The following SGMS1 variants were observed in gnomAD, a reference collection of about 807,000 sequenced individuals.
SGMS1 encodes the protein phosphatidylcholine:ceramide cholinephosphotransferase 1.
Under a neutral mutation model 46.2 loss-of-function variants are expected in SGMS1, and 13 were observed. The ratio of observed to expected loss-of-function variants is 0.28; its 90% confidence interval spans 0.18 to 0.45. The LOEUF is 0.45. SGMS1 is among the 20% of genes least tolerant of loss of function. The probability of loss-of-function intolerance (pLI) is 1.00; values close to 1 mark genes in which losing one functional copy is unlikely to be tolerated. For synonymous variants in SGMS1, 203 were observed against 187.8 expected, an observed-to-expected ratio of 1.08 and a Z score of -0.66; for missense variants, 324 against 519.9, an observed-to-expected ratio of 0.62 and a Z score of 3.66.
At chr10:50,597,631 A>G (rs960081372) in intron 1 of SGMS1, among the ~76,000 whole-genome samples, 1 of 152,184 alleles carries the variant, frequency 6.6e-6, no homozygotes, top group Non-Finnish European at 1.5e-5. Flanking sequence ...AAACTACAAA[A>G]AGGCAGCACC....
chr10:50,485,759 G>A (rs944251002), intron 3 of SGMS1, among the ~76,000 whole-genome samples: 1 of 152,110 alleles, frequency 6.6e-6, no homozygotes, highest in Non-Finnish European at 1.5e-5. Flanking sequence ...AATTAGCCAG[G>A]TGGGGTGGTG....
At chr10:50,582,767 A>G (rs924479836) in intron 2 of SGMS1, among the ~76,000 whole-genome samples, 1 of 152,246 alleles carries the variant, frequency 6.6e-6, no homozygotes, top group Non-Finnish European at 1.5e-5. Context: ...TGTACCACAC[A>G]GGTACTTTAA....
intron 6 of SGMS1, among the ~76,000 whole-genome samples, chr10:50,369,168 T>C (rs1589410228): frequency 1.3e-5 from 2 of 152,346 alleles, no homozygotes; most frequent in East Asian, 3.9e-4. Context: ...GAAGAGCAGA[T>C]ATTTTCTTAA....
At chr10:50,450,742 G>C (rs1394729843) in intron 5 of SGMS1, among the ~76,000 whole-genome samples, 1 of 151,782 alleles carries the variant, frequency 6.6e-6, no homozygotes, top group African/African-American at 2.4e-5. Flanking sequence ...AAGAGAAAAA[G>C]ACTTATCCAC....
Position 50,359,199 on chromosome 10 carries a change from G to A in SGMS1, c.-231-14854C>T, listed in dbSNP as rs140250218. On this transcript the variant is annotated intron_variant, in intron 6 of 10. Coordinates refer to ENST00000361781, the MANE Select transcript of SGMS1 (RefSeq NM_147156.4). ...TTTGCCTTTTTGTCCACTTTGGCTG[G>A]TAGACTTTAGGCTGTTAGAAGAGCC... Among the ~76,000 whole-genome samples the A allele has an allele frequency of 2.1e-3, 325 of 152,252 alleles. 10 individuals are homozygous for A. The East Asian group carries it at 0.051, about 24-fold the overall frequency.
chr10:50,342,299 C>T (rs1847833570), intron 7 of SGMS1: 1 of 152,198 alleles, frequency 6.6e-6, no homozygotes, highest in Non-Finnish European at 1.5e-5. Flanking sequence ...AAAAAAACGT[C>T]TTCCACCAAA....
intron 6 of SGMS1, among the ~76,000 whole-genome samples, chr10:50,391,990 A>G (rs10825860): frequency 0.03 from 4,568 of 152,158 alleles, 105 homozygotes; most frequent in African/African-American, 0.066. Flanking sequence ...CTGAGTACAC[A>G]CGGACAGAAA....
chr10:50,384,625 A>AT (rs1848655892), intron 6 of SGMS1, among the ~76,000 whole-genome samples: 1 of 151,772 alleles, frequency 6.6e-6, no homozygotes, highest in African/African-American at 2.4e-5. Context: ...TTTTAATTTT[A>AT]TTTTTGTAGA....
At chr10:50,436,556 T>C (rs1461090839) in intron 5 of SGMS1, among the ~76,000 whole-genome samples, 1 of 152,206 alleles carries the variant, frequency 6.6e-6, no homozygotes, top group African/African-American at 2.4e-5. Flanking sequence ...AATCTGGACG[T>C]ATGAACCCTG....
chr10:50,560,560 T>C (rs1209186933), intron 2 of SGMS1, among the ~76,000 whole-genome samples: 5 of 145,614 alleles, frequency 3.4e-5, no homozygotes, highest in Non-Finnish European at 7.5e-5. Flanking sequence ...TAATATATTA[T>C]ATGACATATA....
chr10:50,380,115 TC>T (rs1457435672), intron 6 of SGMS1, among the ~76,000 whole-genome samples: 1 of 152,116 alleles, frequency 6.6e-6, no homozygotes. Context: ...GCACAGTGGC[TC>T]ATATCTGTAA....
intron 5 of SGMS1, among the ~76,000 whole-genome samples, chr10:50,443,743 C>T (rs1184929210): frequency 1.3e-5 from 2 of 151,852 alleles, no homozygotes; most frequent in Non-Finnish European, 2.9e-5. Context: ...ACATAAAAGA[C>T]TTTTTTTCTT....
intron 8 of SGMS1, among the ~76,000 whole-genome samples, chr10:50,313,785 A>T (rs1032911921): frequency 6.6e-6 from 1 of 152,186 alleles, no homozygotes. Context: ...GTGGTGAAAC[A>T]ATGTGTTTGG....
chr10:50,436,859 A>C (rs1285421767), intron 5 of SGMS1, among the ~76,000 whole-genome samples: 1 of 152,186 alleles, frequency 6.6e-6, no homozygotes, highest in Non-Finnish European at 1.5e-5. Context: ...GTTTACTAAG[A>C]AGAATTTGGG....
chr10:50,311,234 A>T, intron 9 of SGMS1, 28 bp downstream of exon 9: 1 of 1,598,354 alleles, frequency 6.3e-7, no homozygotes, highest in Middle Eastern at 2.0e-4. Context: ...CAGGTGAGGA[A>T]ATTACAATGG....
chr10:50,367,690 C>T (rs1432481964), intron 6 of SGMS1, among the ~76,000 whole-genome samples: 2 of 152,192 alleles, frequency 1.3e-5, no homozygotes, highest in East Asian at 1.9e-4. Context: ...AACAAATATC[C>T]ATCAATCAAT....
intron 2 of SGMS1, among the ~76,000 whole-genome samples, chr10:50,525,365 C>T (rs888547574): frequency 3.9e-5 from 6 of 152,152 alleles, no homozygotes; most frequent in African/African-American, 1.2e-4. Flanking sequence ...GAGGCATGAA[C>T]AGGAATGCTG....
chr10:50,504,662 T>C (rs569309672), intron 3 of SGMS1, among the ~76,000 whole-genome samples: 1 of 152,232 alleles, frequency 6.6e-6, no homozygotes, highest in Admixed American at 6.5e-5. Context: ...TTGTAACCAC[T>C]ATATACACAG....
At chr10:50,383,256 T>C (rs948842203) in intron 6 of SGMS1, among the ~76,000 whole-genome samples, 5 of 152,198 alleles carry the variant, frequency 3.3e-5, no homozygotes, top group African/African-American at 1.2e-4. Context: ...GAATTTATCA[T>C]TAAATTGTTT....
Sources: allele counts gnomAD v4.1 joint callset (sites outside exome capture counted in the v4.1 genomes callset), GRCh38; gene constraint gnomAD v4.1.1; transcripts MANE v1.5; gene names NCBI Gene and HGNC (gene_info 2026-07-23, HGNC 2026-07-21).